Variants in MYBPC1 observed in about 807,000 individuals in gnomAD.
MYBPC1 encodes myosin-binding protein C, slow-type.
A neutral mutation model predicts 147.1 loss-of-function variants in MYBPC1; 52 were observed. The observed-to-expected ratio is 0.35, with a 90% confidence interval of 0.28 to 0.45. The LOEUF (loss-of-function observed/expected upper bound fraction) is 0.45, where lower values mean the gene tolerates loss of function less well. Among genes scored for constraint, MYBPC1 ranks in the 20% least tolerant of loss-of-function variants. MYBPC1 has a pLI of 1.00. For synonymous variants in MYBPC1, 477 were observed against 475.9 expected, an observed-to-expected ratio of 1.00 and a Z score of -0.03; for missense variants, 1,228 against 1,440.3, an observed-to-expected ratio of 0.85 and a Z score of 2.39.
chr12:101,678,732 T>C (rs1900662212), intron 28 of MYBPC1, among the ~76,000 whole-genome samples: 1 of 152,242 alleles, frequency 6.6e-6, no homozygotes, highest in African/African-American at 2.4e-5. Flanking sequence ...AGGTTTCATG[T>C]TTGCATTTGA....
intron 22 of MYBPC1, among the ~76,000 whole-genome samples, chr12:101,665,015 T>C (rs528358654): frequency 1.3e-5 from 2 of 152,332 alleles, no homozygotes; most frequent in East Asian, 3.9e-4. Context: ...CTTTTGTGTA[T>C]GTATGAATCG....
chr12:101,685,712 T>A lies in MYBPC1; in HGVS notation c.*150T>A, dbSNP rs1265905325. ...GGGCCTGGCTACTGTCTCTCTGCAC[T>A]CTGCTGCTTTGAAATCTGGTTGAAA... On this transcript the variant is annotated 3_prime_UTR_variant, in exon 32 of 32. Coordinates refer to ENST00000361466, the MANE Select transcript of MYBPC1 (RefSeq NM_002465.4). 2.1e-6 allele frequency: 3 copies of A among 1,422,816 alleles called. No individual in the cohort carries two copies. Among genetic ancestry groups the A allele is most frequent in the Non-Finnish European group, 2.9e-6 (3 of 1,049,724 alleles). The allele number at this position is 1,422,816 out of a possible 1,614,324, so 88.1% of individuals were successfully genotyped here. A position where few individuals can be genotyped will look rare whatever the true frequency, so the allele number is the denominator to read the frequency against.
intron 10 of MYBPC1, 48 bp downstream of exon 10, chr12:101,636,776 A>C: frequency 1.3e-6 from 2 of 1,488,316 alleles, no homozygotes; most frequent in Non-Finnish European, 1.9e-6. Flanking sequence ...GAAGTCTTTC[A>C]GACACCCACT....
the MYBPC1 span, among the ~76,000 whole-genome samples, chr12:101,694,088 C>A: frequency 6.6e-6 from 1 of 152,204 alleles, no homozygotes; most frequent in Admixed American, 6.5e-5. Flanking sequence ...CCCTACCATG[C>A]CTACCCAGAC....
intron 28 of MYBPC1, among the ~76,000 whole-genome samples, chr12:101,679,861 C>A (rs991986188): frequency 6.6e-6 from 1 of 152,248 alleles, no homozygotes; most frequent in South Asian, 2.1e-4. Flanking sequence ...CAACATGGAC[C>A]TATGGATGAC....
chr12:101,597,947 TA>T (rs1878017386), intron 1 of MYBPC1, among the ~76,000 whole-genome samples: 1 of 152,104 alleles, frequency 6.6e-6, no homozygotes, highest in African/African-American at 2.4e-5. Flanking sequence ...TATCAATTAT[TA>T]ATTGAGTACA....
intron 1 of MYBPC1, among the ~76,000 whole-genome samples, chr12:101,596,654 C>T (rs370960073): frequency 7.9e-5 from 12 of 152,236 alleles, no homozygotes; most frequent in South Asian, 6.2e-4. Flanking sequence ...TTATTCTGAT[C>T]GCAAAGGCGA....
intron 25 of MYBPC1, 108 bp downstream of exon 25, chr12:101,673,730 A>G: frequency 8.1e-7 from 1 of 1,235,586 alleles, no homozygotes; most frequent in Non-Finnish European, 1.2e-6. Flanking sequence ...CTCTACATAA[A>G]ACTCTTTTTT....
intron 22 of MYBPC1, among the ~76,000 whole-genome samples, chr12:101,663,800 A>T (rs769368412): frequency 3.9e-5 from 6 of 152,228 alleles, no homozygotes; most frequent in Non-Finnish European, 8.8e-5. Flanking sequence ...AATTGAACTA[A>T]GAGATGGGAG....
At chr12:101,618,885 G>C (rs1304441727) in intron 3 of MYBPC1, among the ~76,000 whole-genome samples, 2 of 149,970 alleles carry the variant, frequency 1.3e-5, no homozygotes, top group African/African-American at 2.4e-5. Context: ...GTGTGTGTGT[G>C]TGTGTGTGTC....
At chr12:101,602,007 T>A (rs78848461) in intron 1 of MYBPC1, among the ~76,000 whole-genome samples, 2,813 of 152,300 alleles carry the variant, frequency 0.018, 85 homozygotes, top group African/African-American at 0.065. Flanking sequence ...ATCTTAAATA[T>A]TATGCATTAT....
downstream of MYBPC1, among the ~76,000 whole-genome samples, chr12:101,688,685 G>A (rs1951381259): frequency 7.1e-6 from 1 of 140,230 alleles, no homozygotes; most frequent in Non-Finnish European, 1.6e-5. Context: ...TTGAGGCTGG[G>A]TGTGGTGGCT....
chr12:101,601,274 G>A (rs1321423945), intron 1 of MYBPC1, among the ~76,000 whole-genome samples: 1 of 152,188 alleles, frequency 6.6e-6, no homozygotes, highest in African/African-American at 2.4e-5. Context: ...CAAAGTCAAA[G>A]TGATCATACT....
chr12:101,632,170 AT>A, intron 8 of MYBPC1, 32 bp downstream of exon 8: 1 of 1,424,948 alleles, frequency 7.0e-7, no homozygotes, highest in Non-Finnish European at 9.9e-7. Flanking sequence ...GATAAATGTA[AT>A]TTTTTAATGG....
chr12:101,634,592 G>T lies in MYBPC1; in HGVS notation c.595G>T (p.Ala199Ser). Residue 199 changes from alanine (A) to serine (S), a missense_variant, in exon 9 of 32, where the codon GCT becomes TCT. This residue lies in a region of MYBPC1 where 1,077 missense variants were observed against 1,314.2 expected (regional missense o/e 0.82). Coordinates refer to ENST00000361466, the MANE Select transcript of MYBPC1 (RefSeq NM_002465.4). ...TACTCCAAACATTGACATCAGATCT[G>T]CTTTCAAGAGAAGGTAACTCCAAAA... ...GTTPNIDIRS[A>S]FKRSGEGQED... 6.2e-7 allele frequency: 1 copy of T among 1,613,014 alleles called. No homozygotes were observed. Among genetic ancestry groups the T allele is most frequent in the Non-Finnish European group, 8.5e-7 (1 of 1,179,066 alleles).
At chr12:101,639,701 G>T (rs1456410004) in intron 10 of MYBPC1, among the ~76,000 whole-genome samples, 1 of 152,054 alleles carries the variant, frequency 6.6e-6, no homozygotes, top group African/African-American at 2.4e-5. Context: ...TTTATTACTG[G>T]TTTCCTTCAT....
chr12:101,626,734 C>T (rs1358339731), intron 3 of MYBPC1, 138 bp from the exon 4 acceptor site: 5 of 767,658 alleles, frequency 6.5e-6, no homozygotes, highest in South Asian at 3.0e-5. Context: ...TTTTCAGGTA[C>T]CAAGTTTTCT....
chr12:101,617,708 A>G (rs1437275808), intron 3 of MYBPC1, among the ~76,000 whole-genome samples: 2 of 152,244 alleles, frequency 1.3e-5, no homozygotes, highest in East Asian at 3.8e-4. Flanking sequence ...ATGTAGATTT[A>G]TATAATGATT....
chr12:101,604,820 T>C (rs1251095935), intron 1 of MYBPC1, among the ~76,000 whole-genome samples: 1 of 152,200 alleles, frequency 6.6e-6, no homozygotes, highest in African/African-American at 2.4e-5. Flanking sequence ...TATGAAACTG[T>C]TCCCCTCACT....
Sources: gnomAD v4.1 joint callset for allele counts (sites outside exome capture counted in the v4.1 genomes callset) on GRCh38, gnomAD v4.1.1 for gene constraint, gnomAD v4.1.1 regional missense constraint, MANE v1.5 for transcripts, NCBI Gene and HGNC (gene_info 2026-07-23, HGNC 2026-07-21) for gene names.